Variants in PLEKHH1 observed in about 807,000 individuals in gnomAD.
The protein encoded by PLEKHH1 is pleckstrin homology domain-containing family H member 1.
In PLEKHH1, 104 loss-of-function variants were observed where a neutral mutation model predicts 160.0. The ratio of observed to expected loss-of-function variants is 0.65; its 90% CI spans 0.55 to 0.76. PLEKHH1 has a LOEUF of 0.76. Ranked by LOEUF, PLEKHH1 falls within the 30% of genes least tolerant of loss-of-function variation. The pLI, the probability that PLEKHH1 is intolerant of heterozygous loss-of-function variation, is 0.00. For synonymous variants in PLEKHH1, 619 were observed against 678.4 expected (o/e 0.91, Z 1.36); for missense variants, 1,427 against 1,724.1 (o/e 0.83, Z 3.05).
chr14:67,579,715 C>T lies in PLEKHH1; in HGVS notation c.3028-6C>T. The stretch of plus-strand genomic sequence containing the variant: ...ACTCAGGGTTGGAACTCTTCTCCCG[C>T]CTCAGGTGGTTGGTTTTGACGGCTC... On this transcript the variant is annotated splice_polypyrimidine_tract_variant and splice_region_variant and intron_variant, in intron 21 of 28. Coordinates refer to ENST00000329153, the MANE Select transcript of PLEKHH1 (RefSeq NM_020715.3). 1.2e-6 allele frequency: 2 copies of T among 1,611,854 alleles called. No individual in the cohort carries two copies. The highest frequency in any genetic ancestry group is 1.7e-6 in the Non-Finnish European group (2 of 1,179,052).
chr14:67,569,135 C>T lies in PLEKHH1; in HGVS notation c.1264-3C>T. 1 of 1,608,034 alleles carries T rather than the reference C, an allele frequency of 6.2e-7. No homozygotes were observed. The highest frequency in any genetic ancestry group is 1.7e-4 in the Middle Eastern group (1 of 6,018). Reference sequence around the variant, plus strand: ...CTGAGCTTCCTGAGACCTCTTGTTTCAGGAGAGCCGGATCTATGCTGTGGC... The same window carrying T: ...CTGAGCTTCCTGAGACCTCTTGTTTTAGGAGAGCCGGATCTATGCTGTGGC... On this transcript the variant is annotated splice_region_variant and splice_polypyrimidine_tract_variant and intron_variant, in intron 7 of 28. Transcript: ENST00000329153.
chr14:67,579,471 A>C (rs915929662), intron 21 of PLEKHH1, 160 bp downstream of exon 21: 4 of 697,134 alleles, frequency 5.7e-6, no homozygotes, highest in African/African-American at 1.8e-5. Context: ...ATGCTGACCA[A>C]GAAATAAGAA....
intron 1 of PLEKHH1, among the ~76,000 whole-genome samples, chr14:67,536,374 G>A (rs1052310488): frequency 2.6e-5 from 4 of 151,862 alleles, no homozygotes; most frequent in South Asian, 2.1e-4. Flanking sequence ...AGTCAGCCAC[G>A]TCTGGCAGAG....
intron 27 of PLEKHH1, 94 bp from the exon 28 acceptor site, chr14:67,585,857 C>T: frequency 1.5e-6 from 2 of 1,352,966 alleles, no homozygotes; most frequent in Admixed American, 4.1e-5. Flanking sequence ...TGGGAGTTCT[C>T]CTTTCCTGTG....
rs757125008 is a variant in PLEKHH1, at chr14:67,578,064, G to A, written c.2616G>A (p.Ser872=). Residue 872 remains serine, a synonymous_variant, in exon 19 of 29, where the codon TCG becomes TCA. Transcript: ENST00000329153. This position sits in a 1 kb window ranked among gnomAD's most constrained non-coding sequence, Gnocchi z 5.0. ...LFINVPVEAA[S]VDYHVSLAQT... is the part of the protein sequence containing the mutation. ...TCAACGTGCCGGTGGAAGCTGCCTC[G>A]GTGGACTACCATGTGTCCCTGGCCC... is the stretch of plus-strand genomic sequence containing the variant. 25 of 1,613,646 alleles carry A rather than the reference G, an allele frequency of 1.5e-5. No homozygotes were observed. Among genetic ancestry groups the A allele is most frequent in the African/African-American group, 5.3e-5 (4 of 74,840 alleles).
chr14:67,556,732 A>T (rs1280491327), intron 3 of PLEKHH1, among the ~76,000 whole-genome samples: 1 of 152,236 alleles, frequency 6.6e-6, no homozygotes, highest in African/African-American at 2.4e-5. Flanking sequence ...TTTTAAAAAA[A>T]TTTTAAATAA....
chr14:67,568,417 G>A (rs1181913178), intron 7 of PLEKHH1, among the ~76,000 whole-genome samples: 1 of 152,088 alleles, frequency 6.6e-6, no homozygotes, highest in Non-Finnish European at 1.5e-5. Flanking sequence ...GACACAGGGA[G>A]GGGAACATAC....
intron 7 of PLEKHH1, 26 bp from the exon 8 acceptor site, chr14:67,569,112 G>A (rs746525303): frequency 1.3e-6 from 2 of 1,557,388 alleles, no homozygotes; most frequent in East Asian, 2.2e-5. Context: ...GCCGGGCCCT[G>A]AGCTTCCTGA....
rs570115048 is a variant in PLEKHH1, at chr14:67,581,070, C to T, written c.3284+32C>T. ...AGCACTGCACGAGGGTGGGGCCAAA[C>T]ACAAGGGCTGCCACTGGGTGCCAGC... On this transcript the variant is annotated intron_variant, in intron 23 of 28. Coordinates refer to ENST00000329153, the MANE Select transcript of PLEKHH1 (RefSeq NM_020715.3). The T allele has an allele frequency of 5.4e-5, 75 of 1,392,168 alleles. 2 individuals carry two copies. The Admixed American group carries it at 9.1e-4, about 17-fold the overall frequency. 86.2% of individuals were successfully genotyped at this position (1,392,168 alleles called of 1,614,324 possible).
rs757902260 is a variant in PLEKHH1, at chr14:67,586,207, A to G, written c.3933+110A>G. On this transcript the variant is annotated intron_variant, in intron 28 of 28. Transcript: ENST00000329153. ...TGCTCTGCAAGGGCCCTGCCCAGAT[A>G]AAATTGTTGGTCTTGTCTGTAATTA... 11 of 1,325,648 alleles carry G rather than the reference A, an allele frequency of 8.3e-6. No homozygotes were observed. In the Admixed American group the frequency reaches 8.6e-5, roughly 10 times the overall value. The allele number at this position is 1,325,648 out of a possible 1,614,324, so 82.1% of individuals were successfully genotyped here. A position where few individuals can be genotyped will look rare whatever the true frequency, so the allele number is the denominator to read the frequency against.
intron 2 of PLEKHH1, among the ~76,000 whole-genome samples, chr14:67,545,196 T>C (rs2034128546): frequency 6.6e-6 from 1 of 152,178 alleles, no homozygotes; most frequent in African/African-American, 2.4e-5. Flanking sequence ...TCCCTTTAAG[T>C]TAGTGACTCG....
At chr14:67,535,007 C>A (rs552818276) in intron 1 of PLEKHH1, among the ~76,000 whole-genome samples, 10 of 152,246 alleles carry the variant, frequency 6.6e-5, no homozygotes, top group Non-Finnish European at 1.0e-4. Flanking sequence ...AAAAGCCACA[C>A]GATAGGATAC....
rs2035512961 is a variant in PLEKHH1, at chr14:67,574,127, G to C, written c.1927-115G>C. Reference sequence around the variant, plus strand: ...GAGGAAAAGAAAGGAGGGAGCACTAGGGCAGGCAGAAGGCCAGCCCCTTGG... The same window carrying C: ...GAGGAAAAGAAAGGAGGGAGCACTACGGCAGGCAGAAGGCCAGCCCCTTGG... On this transcript the variant is annotated intron_variant, in intron 13 of 28. Transcript: ENST00000329153. The surrounding 1 kb of genome is among the most constrained non-coding windows in gnomAD (Gnocchi z 4.2). 2.3e-6 allele frequency: 2 copies of C among 884,892 alleles called. No homozygotes were observed. Among genetic ancestry groups the C allele is most frequent in the Admixed American group, 2.8e-5 (1 of 35,366 alleles). The allele number at this position is 884,892 out of a possible 1,614,324, so 54.8% of individuals were successfully genotyped here. A position where few individuals can be genotyped will look rare whatever the true frequency, so the allele number is the denominator to read the frequency against.
chr14:67,563,750 T>C (rs1204690909), intron 7 of PLEKHH1, among the ~76,000 whole-genome samples: 8 of 102,164 alleles, frequency 7.8e-5, no homozygotes, highest in South Asian at 3.2e-4. Flanking sequence ...TTTTTTTTTT[T>C]CGAGACAGAG....
chr14:67,583,167 G>T (rs899758649), intron 24 of PLEKHH1, among the ~76,000 whole-genome samples: 1 of 152,162 alleles, frequency 6.6e-6, no homozygotes, highest in African/African-American at 2.4e-5. Context: ...TGGAAAGGAA[G>T]AGGAAACAGT....
intron 27 of PLEKHH1, 113 bp downstream of exon 27, chr14:67,585,767 A>G (rs2036126907): frequency 1.0e-6 from 1 of 982,980 alleles, no homozygotes; most frequent in Admixed American, 2.4e-5. Flanking sequence ...CCCTACCCCC[A>G]CTCCTGCCCA....
chr14:67,567,139 CGT>C (rs558510207), intron 7 of PLEKHH1, among the ~76,000 whole-genome samples: 1 of 112,890 alleles, frequency 8.9e-6, no homozygotes, highest in Non-Finnish European at 2.0e-5. Context: ...CATGATCACT[CGT>C]GTTCCGTGTT....
chr14:67,534,369 A>G (rs867746920), intron 1 of PLEKHH1, among the ~76,000 whole-genome samples: 2 of 152,152 alleles, frequency 1.3e-5, no homozygotes, highest in African/African-American at 2.4e-5. Flanking sequence ...GCTTGATGCC[A>G]GGAGTTCAAG....
intron 21 of PLEKHH1, 195 bp from the exon 22 acceptor site, chr14:67,579,526 C>A (rs1594788873): frequency 1.5e-6 from 1 of 652,154 alleles, no homozygotes; most frequent in Non-Finnish European, 2.6e-6. Flanking sequence ...CCAGGTATGC[C>A]CAGTTCATTT....
Sources: gnomAD v4.1 joint callset for allele counts (sites outside exome capture counted in the v4.1 genomes callset) on GRCh38, gnomAD v4.1.1 for gene constraint, Gnocchi (gnomAD v3.1) non-coding constraint, MANE v1.5 for transcripts, NCBI Gene and HGNC (gene_info 2026-07-23, HGNC 2026-07-21) for gene names.